The following GMDS variants were observed in gnomAD, a reference collection of about 807,000 sequenced individuals.
GMDS encodes GDP-mannose 4,6-dehydratase, also known as GDP-mannose 4,6 dehydratase.
GMDS carries 20 observed loss-of-function variants against 49.9 expected under a neutral mutation model. The observed-to-expected ratio is 0.40, with a 90% confidence interval of 0.28 to 0.58. GMDS has a LOEUF of 0.58. Among genes scored for constraint, GMDS ranks in the 20% least tolerant of loss-of-function variants. The pLI is 0.42. For synonymous variants in GMDS, 177 were observed against 178.6 expected, an observed-to-expected ratio of 0.99 and a Z score of 0.07; for missense variants, 362 against 481.4, an observed-to-expected ratio of 0.75 and a Z score of 2.32.
chr6:1,846,746 T>A (rs1254775081), intron 7 of GMDS, among the ~76,000 whole-genome samples: 2 of 152,336 alleles, frequency 1.3e-5, no homozygotes, highest in South Asian at 2.1e-4. Context: ...GTGAGAGATG[T>A]GGCCAGAAGA....
intron 4 of GMDS, among the ~76,000 whole-genome samples, chr6:2,042,687 G>C (rs1420499792): frequency 2.0e-5 from 3 of 152,182 alleles, no homozygotes; most frequent in Non-Finnish European, 4.4e-5. Flanking sequence ...TTTGATGTAT[G>C]TAGTCTTTAG....
At chr6:2,155,604 C>G (rs1185546413) in intron 1 of GMDS, among the ~76,000 whole-genome samples, 1 of 152,094 alleles carries the variant, frequency 6.6e-6, no homozygotes, top group Non-Finnish European at 1.5e-5. Context: ...TACCAAGCAG[C>G]AGATAAGAAT....
intron 7 of GMDS, among the ~76,000 whole-genome samples, chr6:1,905,372 A>G (rs1760707863): frequency 6.7e-6 from 1 of 148,912 alleles, no homozygotes; most frequent in African/African-American, 2.5e-5. Context: ...TGGGGCCAGC[A>G]CATAGCTGTG....
chr6:2,102,145 A>C (rs2127486840), intron 4 of GMDS, among the ~76,000 whole-genome samples: 1 of 152,270 alleles, frequency 6.6e-6, no homozygotes, highest in South Asian at 2.1e-4. Context: ...CATAAATTAA[A>C]ATTGGTTATA....
chr6:2,079,045 T>TA (rs3047755), intron 4 of GMDS, among the ~76,000 whole-genome samples: 5 of 133,850 alleles, frequency 3.7e-5, no homozygotes, highest in Admixed American at 7.4e-5. Flanking sequence ...TTTTTTTTTT[T>TA]ACTGTGTTTG....
chr6:2,199,519 C>A (rs890312719), intron 1 of GMDS, among the ~76,000 whole-genome samples: 1 of 152,136 alleles, frequency 6.6e-6, no homozygotes, highest in African/African-American at 2.4e-5. Flanking sequence ...CCACTCACTG[C>A]TCCCTCCCCT....
chr6:2,067,537 AAGAG>A (rs1277998657), intron 4 of GMDS, among the ~76,000 whole-genome samples: 1 of 152,134 alleles, frequency 6.6e-6, no homozygotes, highest in Non-Finnish European at 1.5e-5. Context: ...TAAAGAAAAA[AAGAG>A]AGAAGAATCA....
chr6:2,114,324 G>A (rs1774721595), intron 4 of GMDS, among the ~76,000 whole-genome samples: 1 of 152,146 alleles, frequency 6.6e-6, no homozygotes, highest in African/African-American at 2.4e-5. Flanking sequence ...TGGCTGGTCA[G>A]GAAGGTCAAG....
chr6:2,212,540 C>T (rs1255973089), intron 1 of GMDS, among the ~76,000 whole-genome samples: 1 of 151,992 alleles, frequency 6.6e-6, no homozygotes, highest in Non-Finnish European at 1.5e-5. Context: ...TTAAACAATA[C>T]ATATTCTCTA....
intron 9 of GMDS, among the ~76,000 whole-genome samples, chr6:1,667,872 A>G (rs2113270223): frequency 6.6e-6 from 1 of 152,228 alleles, no homozygotes; most frequent in East Asian, 1.9e-4. Flanking sequence ...GGAATTGAAC[A>G]TATTTACTGT....
At chr6:2,063,941 T>C (rs1771351132) in intron 4 of GMDS, among the ~76,000 whole-genome samples, 2 of 152,208 alleles carry the variant, frequency 1.3e-5, no homozygotes, top group South Asian at 4.1e-4. Flanking sequence ...ACACTGCTAG[T>C]CAAAAATAGT....
At chr6:1,670,720 C>T (rs1177844812) in intron 9 of GMDS, among the ~76,000 whole-genome samples, 1 of 152,196 alleles carries the variant, frequency 6.6e-6, no homozygotes, top group African/African-American at 2.4e-5. Flanking sequence ...AGAAAGATAA[C>T]CATCTCCTCG....
At chr6:1,948,449 A>G (rs1763188837) in intron 6 of GMDS, among the ~76,000 whole-genome samples, 1 of 152,222 alleles carries the variant, frequency 6.6e-6, no homozygotes, top group African/African-American at 2.4e-5. Flanking sequence ...ATTTCATGTA[A>G]GATTTTTACA....
At chr6:1,942,829 CT>C (rs1762883642) in intron 6 of GMDS, among the ~76,000 whole-genome samples, 2 of 152,288 alleles carry the variant, frequency 1.3e-5, no homozygotes, top group Non-Finnish European at 2.9e-5. Context: ...GTGAGGTTCG[CT>C]TTTTGCCATT....
rs1763118189 is a variant in GMDS at position 1,635,470 on chromosome 6, G to A, written c.988-10930C>T. 6.6e-6 allele frequency among the ~76,000 whole-genome samples: 1 copy of A among 152,158 alleles called. No homozygotes were observed. Among genetic ancestry groups the A allele is most frequent in the African/African-American group, 2.4e-5 (1 of 41,446 alleles). ...TGACATCATAAAAGCCTGATTTATC[G>A]CCGGCCACCAAACATCTAGAAAATC... is the stretch of plus-strand genomic sequence containing the variant. On this transcript the variant is annotated intron_variant, in intron 9 of 10. Coordinates refer to ENST00000380815, the MANE Select transcript of GMDS (RefSeq NM_001500.4). This position sits in a 1 kb window ranked among gnomAD's most constrained non-coding sequence, Gnocchi z 4.7.
At chr6:1,719,947 A>G (rs541413577) in intron 9 of GMDS, among the ~76,000 whole-genome samples, 1 of 152,366 alleles carries the variant, frequency 6.6e-6, no homozygotes, top group South Asian at 2.1e-4. Flanking sequence ...GGATAGCTTT[A>G]TGGAAAAAAG....
intron 9 of GMDS, among the ~76,000 whole-genome samples, chr6:1,676,771 A>T (rs1272766891): frequency 6.6e-6 from 1 of 152,214 alleles, no homozygotes; most frequent in African/African-American, 2.4e-5. Flanking sequence ...CATCTTATAG[A>T]AAAATTAATT....
At chr6:2,238,180 A>G (rs1459625744) in intron 1 of GMDS, among the ~76,000 whole-genome samples, 2 of 151,126 alleles carry the variant, frequency 1.3e-5, no homozygotes, top group East Asian at 1.9e-4. Context: ...TGAGGCCAGG[A>G]GTTCAAGACT....
intron 7 of GMDS, among the ~76,000 whole-genome samples, chr6:1,818,608 CAAAAAAAAA>C (rs564065617): frequency 2.0e-5 from 1 of 49,278 alleles, no homozygotes; most frequent in Admixed American, 2.1e-4. Flanking sequence ...GACTTCATCT[CAAAAAAAAA>C]AAAAAAAAAA....
Sources: allele counts gnomAD v4.1 joint callset (sites outside exome capture counted in the v4.1 genomes callset), GRCh38; gene constraint gnomAD v4.1.1; non-coding constraint Gnocchi (gnomAD v3.1); transcripts MANE v1.5; gene names NCBI Gene and HGNC (gene_info 2026-07-23, HGNC 2026-07-21).